ANXA8: variants seen among roughly 807,000 people sequenced by gnomAD.
ANXA8 encodes the protein annexin A8, also known as VAC-beta.
Under a neutral mutation model 26.8 loss-of-function variants are expected in ANXA8, and 9 were observed. That is an observed-to-expected ratio of 0.34 (90% confidence interval 0.20 to 0.59). ANXA8 has a LOEUF of 0.59. Among genes scored for constraint, ANXA8 ranks in the 20% least tolerant of loss-of-function variants. The pLI, the probability that ANXA8 is intolerant of heterozygous loss-of-function variation, is 0.84. For synonymous variants in ANXA8, 39 were observed against 94.8 expected (o/e 0.41, Z 3.42); for missense variants, 83 against 238.5 (o/e 0.35, Z 4.29).
chr10:47,977,268 A>G, the ANXA8 span, among the ~76,000 whole-genome samples: 31 of 133,614 alleles, frequency 2.3e-4, no homozygotes, highest in African/African-American at 8.2e-4. Flanking sequence ...CAGGAAATTC[A>G]CGAAACAGAG....
At chr10:47,776,515 T>C in the ANXA8 span, among the ~76,000 whole-genome samples, 1 of 151,798 alleles carries the variant, frequency 6.6e-6, no homozygotes, top group Non-Finnish European at 1.5e-5. Context: ...TCTGGGCGGC[T>C]CCAGTATCCG....
chr10:47,551,465 A>T, the ANXA8 span, among the ~76,000 whole-genome samples: 3 of 151,642 alleles, frequency 2.0e-5, no homozygotes, highest in Non-Finnish European at 4.4e-5. Context: ...CAGAGGGAAA[A>T]AGCACACTTA....
At chr10:47,944,583 G>A in the ANXA8 span, among the ~76,000 whole-genome samples, 1 of 150,598 alleles carries the variant, frequency 6.6e-6, no homozygotes, top group African/African-American at 2.5e-5. Flanking sequence ...ATTGTATCAT[G>A]GGGGCAGGTC....
chr10:47,982,284 T>C, the ANXA8 span, among the ~76,000 whole-genome samples: 1 of 149,906 alleles, frequency 6.7e-6, no homozygotes, highest in Non-Finnish European at 1.5e-5. Context: ...AACAAGACCC[T>C]ATCTCAAAAA....
chr10:47,679,833 G>A, the ANXA8 span, among the ~76,000 whole-genome samples: 6 of 151,836 alleles, frequency 4.0e-5, no homozygotes, highest in Non-Finnish European at 7.4e-5. Context: ...TGGGAGGATT[G>A]CTTGAGCTTG....
At chr10:47,560,507 C>G in the ANXA8 span, among the ~76,000 whole-genome samples, 7 of 151,782 alleles carry the variant, frequency 4.6e-5, no homozygotes, top group South Asian at 1.5e-3. Context: ...TCAGTTTAGA[C>G]TTTTTAATTG....
chr10:47,948,612 G>T, the ANXA8 span, among the ~76,000 whole-genome samples: 5 of 148,892 alleles, frequency 3.4e-5, no homozygotes, highest in African/African-American at 1.3e-4. Context: ...GTAACCTGTG[G>T]GAAAATATTC....
At chr10:47,675,931 A>C in the ANXA8 span, among the ~76,000 whole-genome samples, 1 of 151,624 alleles carries the variant, frequency 6.6e-6, no homozygotes, top group Admixed American at 6.6e-5. Flanking sequence ...AACCAAGTTG[A>C]AATTCTATTA....
the ANXA8 span, among the ~76,000 whole-genome samples, chr10:47,697,143 T>C: frequency 6.6e-6 from 1 of 152,162 alleles, no homozygotes; most frequent in Non-Finnish European, 1.5e-5. Flanking sequence ...GGAAACAGTA[T>C]AAACTTGTGG....
upstream of ANXA8, chr10:47,487,128 T>C: frequency 7.0e-7 from 1 of 1,419,564 alleles, no homozygotes; most frequent in Admixed American, 2.2e-5. Context: ...TACTTAAGTG[T>C]ACACCATAAA....
At chr10:47,672,237 C>T in the ANXA8 span, among the ~76,000 whole-genome samples, 9 of 149,904 alleles carry the variant, frequency 6.0e-5, no homozygotes, top group Non-Finnish European at 1.2e-4. Flanking sequence ...TGTTAATTGT[C>T]TTATTCTATT....
the ANXA8 span, among the ~76,000 whole-genome samples, chr10:47,559,016 G>T: frequency 2.0e-5 from 3 of 151,554 alleles, no homozygotes; most frequent in Non-Finnish European, 2.9e-5. Context: ...CATTAAAAAG[G>T]GCTAAGCTTT....
At chr10:47,533,225 C>CACACCCGCAGATACACACA in the ANXA8 span, among the ~76,000 whole-genome samples, 1 of 98,552 alleles carries the variant, frequency 1.0e-5, no homozygotes, top group African/African-American at 3.8e-5. Flanking sequence ...ACACACACAC[C>CACACCCGCAGATACACACA]CCCGCAGACA....
chr10:47,710,220 G>C, the ANXA8 span: 2 of 1,488,940 alleles, frequency 1.3e-6, no homozygotes, highest in African/African-American at 3.1e-5. Context: ...TTTTTCCTTA[G>C]ATTCCAGTGT....
At chr10:47,519,335 G>A in the ANXA8 span, among the ~76,000 whole-genome samples, 1 of 112,898 alleles carries the variant, frequency 8.9e-6, no homozygotes, top group African/African-American at 3.6e-5. Flanking sequence ...AGGTGTTATG[G>A]TGCCCACCTA....
the ANXA8 span, among the ~76,000 whole-genome samples, chr10:47,707,180 A>AAAC: frequency 3.0e-5 from 4 of 134,360 alleles, no homozygotes; most frequent in Admixed American, 7.6e-5. Context: ...AAAAACAAAA[A>AAAC]AAAACAAAAA....
chr10:47,896,618 T>C, the ANXA8 span, among the ~76,000 whole-genome samples: 4 of 151,286 alleles, frequency 2.6e-5, no homozygotes, highest in African/African-American at 9.8e-5. Context: ...CAGGCAACTT[T>C]GGGAGCGGGC....
chr10:47,703,208 G>A, the ANXA8 span, among the ~76,000 whole-genome samples: 4 of 151,792 alleles, frequency 2.6e-5, no homozygotes, highest in African/African-American at 4.8e-5. Flanking sequence ...CTAACCAGAG[G>A]GGAAGAGAGA....
chr10:47,683,419 G>C, the ANXA8 span, among the ~76,000 whole-genome samples: 16 of 151,776 alleles, frequency 1.1e-4, no homozygotes, highest in South Asian at 3.1e-3. Context: ...TAGTAGAGAC[G>C]GGGTTTCACC....
Sources: gnomAD v4.1 joint callset for allele counts (sites outside exome capture counted in the v4.1 genomes callset) on GRCh38, gnomAD v4.1.1 for gene constraint, MANE v1.5 for transcripts, NCBI Gene and HGNC (gene_info 2026-07-23, HGNC 2026-07-21) for gene names.